PLCB1: variants seen among roughly 807,000 people sequenced by gnomAD.
PLCB1 encodes the protein phospholipase C beta 1.
PLCB1 carries 46 observed loss-of-function variants against 161.8 expected under a neutral mutation model. The observed-to-expected ratio is 0.28, with a 90% confidence interval of 0.22 to 0.36. PLCB1 has a LOEUF of 0.36. Ranked by LOEUF, PLCB1 falls within the 10% of genes least tolerant of loss-of-function variation. PLCB1 has a pLI of 1.00. For missense variants in PLCB1, 1,016 were observed against 1,472.5 expected (o/e 0.69, Z 5.07); for synonymous variants, 517 against 503.7 (o/e 1.03, Z -0.35).
At chr20:8,667,802 A>G (rs754372094) in intron 9 of PLCB1, among the ~76,000 whole-genome samples, 13 of 152,110 alleles carry the variant, frequency 8.5e-5, no homozygotes, top group Non-Finnish European at 1.2e-4. Context: ...TTCCTTCATC[A>G]CACCTTTCAG....
intron 4 of PLCB1, among the ~76,000 whole-genome samples, chr20:8,641,860 C>T (rs1600218492): frequency 6.6e-6 from 1 of 152,150 alleles, no homozygotes; most frequent in African/African-American, 2.4e-5. Context: ...CATTCAGTCT[C>T]CAAATTCCTG....
intron 2 of PLCB1, among the ~76,000 whole-genome samples, chr20:8,230,056 C>CA (rs547874616): frequency 0.17 from 10,073 of 58,472 alleles, 2,764 homozygotes; most frequent in Non-Finnish European, 0.28. Flanking sequence ...GACTTGGCAG[C>CA]AAAAAAAAAA....
intron 3 of PLCB1, among the ~76,000 whole-genome samples, chr20:8,403,192 A>C (rs1568663048): frequency 6.6e-6 from 1 of 152,178 alleles, no homozygotes. Context: ...TCTTATGCTC[A>C]TGATTCTTAC....
intron 31 of PLCB1, among the ~76,000 whole-genome samples, chr20:8,878,853 A>T (rs1376967781): frequency 6.6e-6 from 1 of 152,138 alleles, no homozygotes; most frequent in African/African-American, 2.4e-5. Context: ...ATTGTGTAAC[A>T]TATATGTATG....
intron 3 of PLCB1, among the ~76,000 whole-genome samples, chr20:8,398,481 C>T (rs566764565): frequency 6.6e-6 from 1 of 152,230 alleles, no homozygotes; most frequent in South Asian, 2.1e-4. Context: ...GGCAAGGTGC[C>T]AGCAAATCTC....
At chr20:8,788,890 G>A (rs913988498) in intron 29 of PLCB1, among the ~76,000 whole-genome samples, 168 bp downstream of exon 29, 1 of 152,136 alleles carries the variant, frequency 6.6e-6, no homozygotes, top group African/African-American at 2.4e-5. Flanking sequence ...GAAGGCTCAA[G>A]CAAAGACTGG....
chr20:8,622,466 T>C (rs1988212893), intron 3 of PLCB1, among the ~76,000 whole-genome samples: 1 of 152,140 alleles, frequency 6.6e-6, no homozygotes, highest in South Asian at 2.1e-4. Flanking sequence ...CATATAGTCC[T>C]AAGAATGTTT....
At chr20:8,820,316 T>A (rs1027518065) in intron 31 of PLCB1, among the ~76,000 whole-genome samples, 7 of 151,242 alleles carry the variant, frequency 4.6e-5, no homozygotes, top group Admixed American at 2.0e-4. Context: ...AGTAGAAAAA[T>A]GTGGAAAAAC....
At chr20:8,511,237 C>A (rs760708547) in intron 3 of PLCB1, among the ~76,000 whole-genome samples, 40 of 152,102 alleles carry the variant, frequency 2.6e-4, no homozygotes, top group Non-Finnish European at 4.6e-4. Context: ...TTATCTTTCT[C>A]TACCTGGCTC....
chr20:8,660,021 G>A (rs1180300179), intron 9 of PLCB1, among the ~76,000 whole-genome samples: 1 of 149,740 alleles, frequency 6.7e-6, no homozygotes, highest in Non-Finnish European at 1.5e-5. Flanking sequence ...AGAAGAAGAA[G>A]TATAAATGTA....
In PLCB1 at chr20:8,788,776, T is replaced by C. The variant is rs2076411; in HGVS notation, c.3278+54T>C. The C allele has an allele frequency of 0.29, 343,217 of 1,175,862 alleles. 51,687 individuals carry two copies. Among genetic ancestry groups the C allele is most frequent in the South Asian group, 0.34 (25,028 of 73,050 alleles). The allele number at this position is 1,175,862 out of a possible 1,614,324, so 72.8% of individuals were successfully genotyped here. On this transcript the variant is annotated intron_variant, in intron 29 of 31. Transcript: ENST00000338037. The stretch of plus-strand genomic sequence containing the variant: ...CAGTTCATCTGGGAATTATTTTATT[T>C]TGTACGTCAGAGTCACAGGTTCATA...
chr20:8,720,982 C>T (rs980213859), intron 14 of PLCB1, among the ~76,000 whole-genome samples: 4 of 152,140 alleles, frequency 2.6e-5, no homozygotes, highest in African/African-American at 7.2e-5. Flanking sequence ...AAAATATAAT[C>T]GATTCACCTT....
At chr20:8,795,218 A>AT (rs1455554690) in intron 31 of PLCB1, among the ~76,000 whole-genome samples, 1 of 152,116 alleles carries the variant, frequency 6.6e-6, no homozygotes, top group African/African-American at 2.4e-5. Flanking sequence ...TGGAGAGTTC[A>AT]TTTTTTCCCT....
chr20:8,375,246 T>A (rs1320152700), intron 3 of PLCB1, among the ~76,000 whole-genome samples: 1 of 152,156 alleles, frequency 6.6e-6, no homozygotes, highest in East Asian at 1.9e-4. Flanking sequence ...CCCTCCCAGG[T>A]TTGTAGAGCA....
intron 2 of PLCB1, among the ~76,000 whole-genome samples, chr20:8,167,965 G>A (rs1269113204): frequency 6.6e-6 from 1 of 152,108 alleles, no homozygotes; most frequent in Non-Finnish European, 1.5e-5. Flanking sequence ...GATATGGCTG[G>A]CCTCTCCTGT....
At chr20:8,288,461 A>AG (rs957699851) in intron 2 of PLCB1, among the ~76,000 whole-genome samples, 2 of 152,190 alleles carry the variant, frequency 1.3e-5, no homozygotes, top group African/African-American at 4.8e-5. Context: ...AAAATAGGGT[A>AG]GGATTAGAAA....
At chr20:8,700,059 TG>T in intron 11 of PLCB1, among the ~76,000 whole-genome samples, 1 of 152,178 alleles carries the variant, frequency 6.6e-6, no homozygotes, top group Non-Finnish European at 1.5e-5. Flanking sequence ...GTCTAACAGT[TG>T]GGCTCTTTAA....
At chr20:8,834,586 G>A (rs141988541) in intron 31 of PLCB1, among the ~76,000 whole-genome samples, 22 of 151,952 alleles carry the variant, frequency 1.4e-4, no homozygotes, top group African/African-American at 3.4e-4. Flanking sequence ...AAGCCAAGGC[G>A]GCCAGATCAC....
intron 3 of PLCB1, among the ~76,000 whole-genome samples, chr20:8,504,206 C>T (rs1367790491): frequency 1.3e-5 from 2 of 152,136 alleles, no homozygotes; most frequent in South Asian, 2.1e-4. Flanking sequence ...GGCCCAGTGA[C>T]GGAGCCTGCA....
Sources: allele counts gnomAD v4.1 joint callset (sites outside exome capture counted in the v4.1 genomes callset), GRCh38; gene constraint gnomAD v4.1.1; transcripts MANE v1.5; gene names NCBI Gene and HGNC (gene_info 2026-07-23, HGNC 2026-07-21).